PTPRD: variants seen among roughly 807,000 people sequenced by gnomAD.
PTPRD encodes the protein receptor-type tyrosine-protein phosphatase delta.
Under a neutral mutation model 214.5 loss-of-function variants are expected in PTPRD, and 34 were observed. That is an observed-to-expected ratio of 0.16 (90% CI 0.12 to 0.21). PTPRD has a LOEUF of 0.21. Ranked by LOEUF, PTPRD falls within the 10% of genes least tolerant of loss-of-function variation. The pLI is 1.00. For missense variants in PTPRD, 2,545 were observed against 2,398.7 expected (o/e 1.06, Z -1.27); for synonymous variants, 1,128 against 845.7 (o/e 1.33, Z -5.79).
intron 10 of PTPRD, among the ~76,000 whole-genome samples, chr9:9,025,668 C>G (rs1034382360): frequency 2.6e-5 from 4 of 151,704 alleles, no homozygotes; most frequent in African/African-American, 9.7e-5. Flanking sequence ...AATTTGGGAG[C>G]GGGTAAGGAA....
chr9:8,800,912 G>T (rs1020526356), intron 11 of PTPRD, among the ~76,000 whole-genome samples: 6 of 152,156 alleles, frequency 3.9e-5, no homozygotes, highest in Admixed American at 1.3e-4. Context: ...TTGTATGAAT[G>T]ATATTATAAA....
In PTPRD at chr9:8,763,408, G is replaced by C. The variant is rs530717175; in HGVS notation, c.-103-29462C>G. On this transcript the variant is annotated intron_variant, in intron 11 of 45. Coordinates refer to ENST00000381196, the MANE Select transcript of PTPRD (RefSeq NM_002839.4). Reference sequence around the variant, plus strand: ...TCATGCCTGTAATCCTAGCTACTTGGGAGGCTGAGGCATGAGAACCACTTA... The same window carrying C: ...TCATGCCTGTAATCCTAGCTACTTGCGAGGCTGAGGCATGAGAACCACTTA... 7.2e-5 allele frequency among the ~76,000 whole-genome samples: 11 copies of C among 152,086 alleles called. No individual in the cohort carries two copies. The South Asian group carries it at 2.1e-3, about 29-fold the overall frequency.
chr9:9,529,063 T>A (rs2154262387), intron 8 of PTPRD, among the ~76,000 whole-genome samples: 1 of 151,432 alleles, frequency 6.6e-6, no homozygotes, highest in South Asian at 2.1e-4. Context: ...CTCCAGAGTA[T>A]CTGGGATTAC....
chr9:8,540,121 C>T (rs999393390), intron 14 of PTPRD, among the ~76,000 whole-genome samples: 3 of 152,032 alleles, frequency 2.0e-5, no homozygotes, highest in Admixed American at 1.3e-4. Flanking sequence ...GTAGTTTCTA[C>T]TTTTCTATAA....
chr9:9,936,559 A>C (rs900254020), intron 5 of PTPRD, among the ~76,000 whole-genome samples: 1 of 139,156 alleles, frequency 7.2e-6, no homozygotes, highest in African/African-American at 3.0e-5. Flanking sequence ...GGCGATCATT[A>C]AAAAGTCAGT....
At chr9:10,449,086 C>CCGCTCCCTCGTCT (rs1373132789) in intron 2 of PTPRD, among the ~76,000 whole-genome samples, 1 of 152,020 alleles carries the variant, frequency 6.6e-6, no homozygotes, top group African/African-American at 2.4e-5. Flanking sequence ...CCCTCTGATG[C>CCGCTCCCTCGTCT]CCAGCCGAGG....
At chr9:9,380,488 G>A (rs1277600568) in intron 9 of PTPRD, among the ~76,000 whole-genome samples, 1 of 151,980 alleles carries the variant, frequency 6.6e-6, no homozygotes, top group Admixed American at 6.6e-5. Flanking sequence ...TCATATTTTA[G>A]AATTTTCCAG....
At chr9:8,814,193 A>G (rs1411232342) in intron 11 of PTPRD, among the ~76,000 whole-genome samples, 1 of 152,234 alleles carries the variant, frequency 6.6e-6, no homozygotes, top group Non-Finnish European at 1.5e-5. Context: ...TGCCATCCTG[A>G]AACTCAAAAG....
chr9:9,562,576 T>C (rs1351693327), intron 8 of PTPRD, among the ~76,000 whole-genome samples: 1 of 152,116 alleles, frequency 6.6e-6, no homozygotes, highest in Non-Finnish European at 1.5e-5. Flanking sequence ...AACTCTGCCT[T>C]CCTCTGCTCC....
chr9:9,084,959 C>T (rs1217119775), intron 10 of PTPRD, among the ~76,000 whole-genome samples: 1 of 152,134 alleles, frequency 6.6e-6, no homozygotes, highest in Non-Finnish European at 1.5e-5. Flanking sequence ...ATTTTTAGCA[C>T]AGACAGGGAA....
At chr9:8,386,661 C>A (rs1025074026) in intron 37 of PTPRD, among the ~76,000 whole-genome samples, 2 of 152,092 alleles carry the variant, frequency 1.3e-5, no homozygotes, top group Non-Finnish European at 2.9e-5. Context: ...CAAGGTCAGC[C>A]CACAGAACCC....
chr9:9,409,106 G>A (rs1043207791), intron 8 of PTPRD, among the ~76,000 whole-genome samples: 1 of 151,874 alleles, frequency 6.6e-6, no homozygotes, highest in African/African-American at 2.4e-5. Context: ...AGATAGATGA[G>A]TAATATTCTC....
chr9:10,574,834 C>G (rs2068682517), intron 2 of PTPRD, among the ~76,000 whole-genome samples: 1 of 113,412 alleles, frequency 8.8e-6, no homozygotes, highest in Non-Finnish European at 1.9e-5. Context: ...ATATATATAT[C>G]TTAGATTCTC....
At chr9:10,157,061 A>G (rs1223979288) in intron 3 of PTPRD, among the ~76,000 whole-genome samples, 1 of 152,088 alleles carries the variant, frequency 6.6e-6, no homozygotes, top group Admixed American at 6.6e-5. Flanking sequence ...AAAGAATACC[A>G]TTGCATCTTG....
At chr9:9,724,712 G>T (rs921820988) in intron 7 of PTPRD, among the ~76,000 whole-genome samples, 5 of 152,156 alleles carry the variant, frequency 3.3e-5, no homozygotes, top group Admixed American at 2.0e-4. Flanking sequence ...TGATATTGTT[G>T]TAAGCACTAC....
At chr9:9,675,065 T>C (rs1002430982) in intron 7 of PTPRD, among the ~76,000 whole-genome samples, 13 of 151,940 alleles carry the variant, frequency 8.6e-5, no homozygotes, top group Non-Finnish European at 1.8e-4. Context: ...ATAAAACCTC[T>C]AGCACATGGA....
intron 3 of PTPRD, among the ~76,000 whole-genome samples, chr9:10,108,647 TGAA>T (rs1024287393): frequency 2.2e-4 from 33 of 152,208 alleles, no homozygotes; most frequent in African/African-American, 7.9e-4. Context: ...ATCAATATGT[TGAA>T]GAGATTTCTG....
chr9:10,015,582 A>G (rs1456850558), intron 4 of PTPRD, among the ~76,000 whole-genome samples: 1 of 152,158 alleles, frequency 6.6e-6, no homozygotes, highest in Admixed American at 6.6e-5. Context: ...AGTCAATCCA[A>G]GCCTCAACTT....
Position 8,752,878 on chromosome 9 carries a change from G to C in PTPRD, c.-103-18932C>G, listed in dbSNP as rs140087908. Among the ~76,000 whole-genome samples the C allele has an allele frequency of 2.0e-3, 299 of 152,264 alleles. 1 individual carries two copies. Among genetic ancestry groups the C allele is most frequent in the Middle Eastern group, 6.8e-3 (2 of 294 alleles). On this transcript the variant is annotated intron_variant, in intron 11 of 45. Transcript: ENST00000381196. ...AATTGAGATAATTAAGTGGGTACTGGGTTAAGCTACTAAGTTTAGGGATGG... is the reference window on the plus strand; with the variant it reads ...AATTGAGATAATTAAGTGGGTACTGCGTTAAGCTACTAAGTTTAGGGATGG...
Sources: allele counts gnomAD v4.1 joint callset (sites outside exome capture counted in the v4.1 genomes callset), GRCh38; gene constraint gnomAD v4.1.1; transcripts MANE v1.5; gene names NCBI Gene and HGNC (gene_info 2026-07-23, HGNC 2026-07-21).